SGCZ: variants seen among roughly 807,000 people sequenced by gnomAD.
SGCZ encodes sarcoglycan zeta, also known as zeta-sarcoglycan.
Under a neutral mutation model 41.3 loss-of-function variants are expected in SGCZ, and 40 were observed. That is an observed-to-expected ratio of 0.97 (90% CI 0.75 to 1.26). SGCZ has a LOEUF of 1.26. Ranked by LOEUF, SGCZ falls within the 50% of genes most tolerant of loss-of-function variation. The probability of loss-of-function intolerance (pLI) is 0.00; values close to 1 mark genes in which losing one functional copy is unlikely to be tolerated. For synonymous variants in SGCZ, 206 were observed against 137.5 expected (o/e 1.50, Z -3.49); for missense variants, 552 against 369.8 (o/e 1.49, Z -4.04).
At chr8:14,694,322 T>TCCAA (rs1451389129) in intron 1 of SGCZ, among the ~76,000 whole-genome samples, 1 of 152,216 alleles carries the variant, frequency 6.6e-6, no homozygotes, top group Non-Finnish European at 1.5e-5. Context: ...AAATGTTGAC[T>TCCAA]GCCCTTTAAT....
At chr8:15,038,472 G>C (rs1050160439) in intron 1 of SGCZ, among the ~76,000 whole-genome samples, 1 of 151,500 alleles carries the variant, frequency 6.6e-6, no homozygotes, top group Non-Finnish European at 1.5e-5. Flanking sequence ...TGACTAAAGA[G>C]TTTAATATAA....
At chr8:15,110,698 G>A (rs1807013877) in intron 1 of SGCZ, among the ~76,000 whole-genome samples, 1 of 152,202 alleles carries the variant, frequency 6.6e-6, no homozygotes, top group Admixed American at 6.5e-5. Flanking sequence ...GCCAGGCGTG[G>A]TGGCTCACTC....
intron 1 of SGCZ, among the ~76,000 whole-genome samples, chr8:15,113,817 A>T (rs758211562): frequency 3.3e-5 from 5 of 152,194 alleles, no homozygotes; most frequent in Non-Finnish European, 7.3e-5. Flanking sequence ...CAGTAAAAGC[A>T]AAGTCTGTAA....
chr8:14,720,204 C>G (rs1553830), intron 1 of SGCZ, among the ~76,000 whole-genome samples: 45,324 of 151,670 alleles, frequency 0.3, 7,313 homozygotes, highest in East Asian at 0.43. Flanking sequence ...ATATTTTATA[C>G]TACTTACATG....
rs564165926 is a variant in SGCZ, at chr8:14,731,583, C to G, written c.40-176657G>C. Among the ~76,000 whole-genome samples, 87 of 152,182 alleles carry G rather than the reference C, an allele frequency of 5.7e-4. 1 individual carries two copies. The highest frequency in any genetic ancestry group is 6.8e-3 in the Middle Eastern group (2 of 294). On this transcript the variant is annotated intron_variant, in intron 1 of 7. Coordinates refer to ENST00000382080, the MANE Select transcript of SGCZ (RefSeq NM_139167.4). Reference sequence around the variant, plus strand: ...TGCGTGCCTGTTTAATTCAACAATACTTGTAGAAATGTAATTTCAGTAATC... The same window carrying G: ...TGCGTGCCTGTTTAATTCAACAATAGTTGTAGAAATGTAATTTCAGTAATC...
chr8:14,593,662 TAA>T (rs1364719853), intron 1 of SGCZ, among the ~76,000 whole-genome samples: 1 of 152,166 alleles, frequency 6.6e-6, no homozygotes, highest in Non-Finnish European at 1.5e-5. Flanking sequence ...CTACACAATG[TAA>T]ATGAAAAATA....
At chr8:15,025,271 A>G (rs1311644379) in intron 1 of SGCZ, among the ~76,000 whole-genome samples, 1 of 152,182 alleles carries the variant, frequency 6.6e-6, no homozygotes, top group Non-Finnish European at 1.5e-5. Flanking sequence ...ATCTCTCTCC[A>G]TCTTTTGAGA....
At chr8:14,408,278 G>C (rs1799265087) in intron 2 of SGCZ, among the ~76,000 whole-genome samples, 1 of 152,140 alleles carries the variant, frequency 6.6e-6, no homozygotes. Context: ...TGTCCAGACT[G>C]TTTGTTTAAT....
chr8:14,585,036 T>A (rs541136471), intron 1 of SGCZ, among the ~76,000 whole-genome samples: 12 of 152,230 alleles, frequency 7.9e-5, no homozygotes, highest in African/African-American at 2.6e-4. Flanking sequence ...CTCATTCAAC[T>A]TACAGGATGA....
At chr8:14,801,801 G>A (rs889381407) in intron 1 of SGCZ, among the ~76,000 whole-genome samples, 3 of 151,324 alleles carry the variant, frequency 2.0e-5, no homozygotes, top group African/African-American at 7.3e-5. Context: ...AGGAAAAAGA[G>A]CACCAAATTT....
intron 1 of SGCZ, among the ~76,000 whole-genome samples, chr8:14,927,026 C>A (rs1405448181): frequency 6.6e-6 from 1 of 150,888 alleles, no homozygotes; most frequent in African/African-American, 2.4e-5. Context: ...AGTATATAGT[C>A]TTTCAGTATC....
chr8:15,165,653 T>C (rs1335046260), intron 1 of SGCZ, among the ~76,000 whole-genome samples: 1 of 152,188 alleles, frequency 6.6e-6, no homozygotes, highest in Non-Finnish European at 1.5e-5. Flanking sequence ...ACTAGAAATA[T>C]ATTTACACGC....
At chr8:14,802,991 G>A (rs1326699131) in intron 1 of SGCZ, among the ~76,000 whole-genome samples, 1 of 152,114 alleles carries the variant, frequency 6.6e-6, no homozygotes, top group East Asian at 1.9e-4. Context: ...CCTTGACTCT[G>A]CTGTCTTGCC....
intron 1 of SGCZ, among the ~76,000 whole-genome samples, chr8:14,950,266 C>A (rs1200121451): frequency 1.3e-5 from 2 of 151,966 alleles, no homozygotes; most frequent in Non-Finnish European, 1.5e-5. Context: ...TAGGAACAAA[C>A]CAAATGATGA....
chr8:15,013,964 T>A (rs1031540570), intron 1 of SGCZ, among the ~76,000 whole-genome samples: 5 of 152,166 alleles, frequency 3.3e-5, no homozygotes, highest in African/African-American at 1.2e-4. Context: ...CAAGATGGGA[T>A]AAACGGAAGA....
intron 1 of SGCZ, among the ~76,000 whole-genome samples, chr8:15,037,262 G>T (rs541819135): frequency 6.6e-6 from 1 of 152,224 alleles, no homozygotes; most frequent in East Asian, 1.9e-4. Flanking sequence ...GATAGTGAGT[G>T]AGTTCTCACA....
At chr8:15,065,110 C>A (rs1192025200) in intron 1 of SGCZ, among the ~76,000 whole-genome samples, 1 of 152,126 alleles carries the variant, frequency 6.6e-6, no homozygotes, top group Non-Finnish European at 1.5e-5. Context: ...CTTGGTCTCA[C>A]TTCCTGCCTT....
intron 3 of SGCZ, among the ~76,000 whole-genome samples, chr8:14,256,993 A>T (rs1029590790): frequency 6.6e-6 from 1 of 152,168 alleles, no homozygotes; most frequent in African/African-American, 2.4e-5. Context: ...TCAATTAAAA[A>T]TAATCCTCAT....
chr8:15,236,494 T>C (rs188854592), intron 1 of SGCZ, among the ~76,000 whole-genome samples: 5 of 152,112 alleles, frequency 3.3e-5, no homozygotes, highest in Non-Finnish European at 5.9e-5. Context: ...CATCTGAACC[T>C]CTGAAATAGT....
Sources: allele counts gnomAD v4.1 joint callset (sites outside exome capture counted in the v4.1 genomes callset), GRCh38; gene constraint gnomAD v4.1.1; transcripts MANE v1.5; gene names NCBI Gene and HGNC (gene_info 2026-07-23, HGNC 2026-07-21).